SMAD2: variants seen among roughly 807,000 people sequenced by gnomAD.
SMAD2 encodes MAD homolog 2.
In SMAD2, 8 loss-of-function variants were observed where a neutral mutation model predicts 64.4. The ratio of observed to expected loss-of-function variants is 0.12; its 90% CI spans 0.07 to 0.22. The LOEUF (loss-of-function observed/expected upper bound fraction) is 0.22, where lower values mean the gene tolerates loss of function less well. Ranked by LOEUF, SMAD2 falls within the 10% of genes least tolerant of loss-of-function variation. The pLI, the probability that SMAD2 is intolerant of heterozygous loss-of-function variation, is 1.00. For missense variants in SMAD2, 289 were observed against 561.2 expected (o/e 0.51, Z 4.90); for synonymous variants, 203 against 195.8 (o/e 1.04, Z -0.31).
intron 1 of SMAD2, among the ~76,000 whole-genome samples, chr18:47,906,346 T>G (rs2033902839): frequency 6.6e-6 from 1 of 152,170 alleles, no homozygotes; most frequent in Non-Finnish European, 1.5e-5. Flanking sequence ...TACTCAAATC[T>G]GTGTATGTAA....
At position 47,822,184 on chromosome 18, in the gene SMAD2, A is replaced by C. The variant is rs1364628924; in HGVS notation, c.*19643T>G. On this transcript the variant is annotated 3_prime_UTR_variant, in exon 11 of 11. Coordinates refer to ENST00000262160, the MANE Select transcript of SMAD2 (RefSeq NM_005901.6). ...AAATATGTCATCAGTCATAATTCTG[A>C]TTATGCTGTTTGCCACAAAAATAAC... 6.6e-6 allele frequency: 1 copy of C among 152,222 alleles called. No homozygotes were observed. 9.4% of individuals were successfully genotyped at this position (152,222 alleles called of 1,614,324 possible).
At chr18:47,856,199 G>A (rs2030664907) in intron 6 of SMAD2, among the ~76,000 whole-genome samples, 1 of 151,872 alleles carries the variant, frequency 6.6e-6, no homozygotes, top group South Asian at 2.1e-4. Flanking sequence ...TACAGGTTGG[G>A]GGGAAAATAG....
chr18:47,882,226 C>T (rs2032648703), intron 2 of SMAD2: 1 of 151,322 alleles, frequency 6.6e-6, no homozygotes, highest in African/African-American at 2.4e-5. Flanking sequence ...GACAAGGTCC[C>T]AATGTCTCAT....
At chr18:47,866,125 T>G (rs1485636845) in intron 5 of SMAD2, among the ~76,000 whole-genome samples, 1 of 151,904 alleles carries the variant, frequency 6.6e-6, no homozygotes. Context: ...GAGACCAGCC[T>G]GACAAACATG....
rs1008936602 is a variant in SMAD2 at position 47,828,412 on chromosome 18, C to T, written c.*13415G>A. ...GAAGTGAGGAGCCCCTCTGCCCGGC[C>T]GCCACCCTGTCTGGGAGGTGTACCC... is the stretch of plus-strand genomic sequence containing the variant. On this transcript the variant is annotated 3_prime_UTR_variant, in exon 11 of 11. Coordinates refer to ENST00000262160, the MANE Select transcript of SMAD2 (RefSeq NM_005901.6). The T allele has an allele frequency of 4.2e-4, 67 of 161,194 alleles. No homozygotes were observed. Among genetic ancestry groups the T allele is most frequent in the African/African-American group, 1.4e-3 (58 of 41,642 alleles). 10.0% of individuals were successfully genotyped at this position (161,194 alleles called of 1,614,324 possible).
At chr18:47,929,606 G>A (rs1274801690) in intron 1 of SMAD2, among the ~76,000 whole-genome samples, 2 of 152,146 alleles carry the variant, frequency 1.3e-5, no homozygotes, top group African/African-American at 2.4e-5. Context: ...TTAAAGGTAT[G>A]GTTGACAACA....
At position 47,814,630 on chromosome 18, in the gene SMAD2, C is replaced by T. The variant is rs1484438328; in HGVS notation, c.*27197G>A. The T allele has an allele frequency of 6.6e-6, 1 of 152,176 alleles. No individual in the cohort carries two copies. Among genetic ancestry groups the T allele is most frequent in the Non-Finnish European group, 1.5e-5 (1 of 68,056 alleles). 9.4% of individuals were successfully genotyped at this position (152,176 alleles called of 1,614,324 possible). ...GTCTTGGAGCAGCAGGGTTAGTCAA[C>T]TACTTTCCTGGCATAGCCTGGGGAA... On this transcript the variant is annotated 3_prime_UTR_variant, in exon 11 of 11. Transcript: ENST00000262160.
Position 47,823,500 on chromosome 18 carries a change from A to G in SMAD2, c.*18327T>C, listed in dbSNP as rs1022325356. On this transcript the variant is annotated 3_prime_UTR_variant, in exon 11 of 11. Coordinates refer to ENST00000262160, the MANE Select transcript of SMAD2 (RefSeq NM_005901.6). ...TAATTTCCTTCAATATTTGGCTATG[A>G]CTCTCTAAGAAAAAAAACTACTCCC... 2.4e-4 allele frequency: 37 copies of G among 152,012 alleles called. No homozygotes were observed. The highest frequency in any genetic ancestry group is 2.4e-3 in the Admixed American group (37 of 15,258). The allele number at this position is 152,012 out of a possible 1,614,324, so 9.4% of individuals were successfully genotyped here. A position where few individuals can be genotyped will look rare whatever the true frequency, so the allele number is the denominator to read the frequency against.
At chr18:47,898,475 C>T (rs1598858955) in intron 1 of SMAD2, among the ~76,000 whole-genome samples, 1 of 152,170 alleles carries the variant, frequency 6.6e-6, no homozygotes, top group Non-Finnish European at 1.5e-5. Flanking sequence ...TTTTTAAGCA[C>T]ACTTTGCACA....
At chr18:47,847,700 C>T (rs1332372852) in intron 8 of SMAD2, among the ~76,000 whole-genome samples, 1 of 111,934 alleles carries the variant, frequency 8.9e-6, no homozygotes, top group Non-Finnish European at 1.8e-5. Flanking sequence ...ATTTCCAAAG[C>T]AAAAAAAAAA....
In SMAD2 at chr18:47,809,786, T is replaced by TA. The variant is rs1006578413; in HGVS notation, c.*32040dup. 5.9e-5 allele frequency: 9 copies of TA among 152,226 alleles called. No individual in the cohort carries two copies. The highest frequency in any genetic ancestry group is 1.3e-4 in the Admixed American group (2 of 15,276). 9.4% of individuals were successfully genotyped at this position (152,226 alleles called of 1,614,324 possible). On this transcript the variant is annotated 3_prime_UTR_variant, in exon 11 of 11. Coordinates refer to ENST00000262160, the MANE Select transcript of SMAD2 (RefSeq NM_005901.6). ...TCAGGCAGATGTTATTTTTTCCCACTATGTACCTGTTACTTGGGTGGAGAT... is the reference window on the plus strand; with the variant it reads ...TCAGGCAGATGTTATTTTTTCCCACTAATGTACCTGTTACTTGGGTGGAGAT...
In SMAD2 at chr18:47,830,129, T is replaced by C. The variant is rs1276511220; in HGVS notation, c.*11698A>G. 1.3e-5 allele frequency: 2 copies of C among 152,246 alleles called. No homozygotes were observed. The highest frequency in any genetic ancestry group is 2.9e-5 in the Non-Finnish European group (2 of 68,028). The allele number at this position is 152,246 out of a possible 1,614,324, so 9.4% of individuals were successfully genotyped here. Reference sequence around the variant, plus strand: ...TGACGATGTACATTTTTAAATGTGGTGATAACACGTTATTATTCATGATTT... The same window carrying C: ...TGACGATGTACATTTTTAAATGTGGCGATAACACGTTATTATTCATGATTT... On this transcript the variant is annotated 3_prime_UTR_variant, in exon 11 of 11. Transcript: ENST00000262160.
chr18:47,914,396 C>T (rs181649490), intron 1 of SMAD2, among the ~76,000 whole-genome samples: 48 of 152,236 alleles, frequency 3.2e-4, no homozygotes, highest in African/African-American at 1.2e-3. Context: ...AGCAAGAATT[C>T]CGAATCCTAA....
intron 1 of SMAD2, among the ~76,000 whole-genome samples, chr18:47,915,487 C>T (rs530987081): frequency 3.2e-4 from 48 of 152,282 alleles, no homozygotes; most frequent in African/African-American, 1.1e-3. Context: ...TCACAACCTG[C>T]TATGAATAGG....
rs200086333 is a variant in SMAD2 at position 47,869,238 on chromosome 18, C to T, written c.520+5G>A. On this transcript the variant is annotated splice_donor_5th_base_variant and intron_variant, in intron 4 of 10. Transcript: ENST00000262160. ...AACCAAGAAAAAAACTTGCAATATT[C>T]CTACCTGGTGTCTCAACTCTCTGAT... The T allele has an allele frequency of 2.3e-4, 375 of 1,608,652 alleles. 5 individuals are homozygous for T. The highest frequency in any genetic ancestry group is 1.8e-3 in the South Asian group (164 of 90,946).
Position 47,845,512 on chromosome 18 carries a change from G to T in SMAD2, c.1136-28C>A, listed in dbSNP as rs1196696110. 3.7e-6 allele frequency: 6 copies of T among 1,605,280 alleles called. No homozygotes were observed. The Admixed American group carries it at 8.3e-5, about 22-fold the overall frequency. Reference sequence around the variant, plus strand: ...ATGATTAAAAAAGGTAAAAGAAATTGTCAAAAGAGTATCATTATTAAAAAG... The same window carrying T: ...ATGATTAAAAAAGGTAAAAGAAATTTTCAAAAGAGTATCATTATTAAAAAG... On this transcript the variant is annotated intron_variant, in intron 9 of 10. Transcript: ENST00000262160.
chr18:47,919,873 T>C (rs779331957), intron 1 of SMAD2, among the ~76,000 whole-genome samples: 1 of 152,246 alleles, frequency 6.6e-6, no homozygotes, highest in Non-Finnish European at 1.5e-5. Context: ...GGAATTCTTA[T>C]GTTAGTACAT....
rs150396690 is a variant in SMAD2 at position 47,927,920 on chromosome 18, T to C, written c.-54+2441A>G. Among the ~76,000 whole-genome samples the C allele has an allele frequency of 1.1e-3, 167 of 152,226 alleles. 1 individual carries two copies. The East Asian group carries it at 0.026, about 23-fold the overall frequency. On this transcript the variant is annotated intron_variant, in intron 1 of 10. Coordinates refer to ENST00000262160, the MANE Select transcript of SMAD2 (RefSeq NM_005901.6). ...TCTCAAAATAAAATAAAATAAAATA[T>C]ATAAATGCATAATCTCTCATAACCT...
chr18:47,874,427 G>A (rs2032140013), intron 2 of SMAD2, among the ~76,000 whole-genome samples: 1 of 152,104 alleles, frequency 6.6e-6, no homozygotes, highest in African/African-American at 2.4e-5. Context: ...GAGTATGAAA[G>A]AACTTTCTGG....
Sources: allele counts gnomAD v4.1 joint callset (sites outside exome capture counted in the v4.1 genomes callset), GRCh38; gene constraint gnomAD v4.1.1; transcripts MANE v1.5; gene names NCBI Gene and HGNC (gene_info 2026-07-23, HGNC 2026-07-21).